PDE4D: variants seen among roughly 807,000 people sequenced by gnomAD.
The protein encoded by PDE4D is phosphodiesterase 4D, also known as 3',5'-cyclic-AMP phosphodiesterase 4D.
In PDE4D, 24 loss-of-function variants were observed where a neutral mutation model predicts 87.4. The ratio of observed to expected loss-of-function variants is 0.27; its 90% CI spans 0.20 to 0.39. The LOEUF (loss-of-function observed/expected upper bound fraction) is 0.39, where lower values mean the gene tolerates loss of function less well. PDE4D is among the 10% of genes least tolerant of loss of function. PDE4D has a pLI of 1.00. For missense variants in PDE4D, 714 were observed against 1,041.0 expected (o/e 0.69, Z 4.32); for synonymous variants, 384 against 383.2 (o/e 1.00, Z -0.02).
At chr5:60,196,307 C>T (rs1741211618) in intron 1 of PDE4D, among the ~76,000 whole-genome samples, 1 of 151,670 alleles carries the variant, frequency 6.6e-6, no homozygotes. Context: ...AAAATAATTT[C>T]AGCTCTCTAA....
chr5:59,472,560 T>C (rs995459060), intron 1 of PDE4D, among the ~76,000 whole-genome samples: 2 of 152,188 alleles, frequency 1.3e-5, no homozygotes, highest in African/African-American at 4.8e-5. Flanking sequence ...TATACGAATA[T>C]AACATTTCCA....
chr5:60,112,839 A>G (rs1777813938), intron 2 of PDE4D, among the ~76,000 whole-genome samples: 1 of 152,100 alleles, frequency 6.6e-6, no homozygotes, highest in Non-Finnish European at 1.5e-5. Flanking sequence ...TTAATCCAAG[A>G]AAAGAGAAGA....
chr5:59,546,311 C>A (rs570985766), intron 1 of PDE4D, among the ~76,000 whole-genome samples: 1 of 152,094 alleles, frequency 6.6e-6, no homozygotes, highest in Admixed American at 6.6e-5. Context: ...ACCCACAAAG[C>A]CAAAAGTGCG....
chr5:60,237,562 C>A (rs1746567651), intron 1 of PDE4D, among the ~76,000 whole-genome samples: 1 of 151,894 alleles, frequency 6.6e-6, no homozygotes, highest in Non-Finnish European at 1.5e-5. Context: ...CTCAAAAAGA[C>A]AATATTTTAT....
intron 1 of PDE4D, among the ~76,000 whole-genome samples, chr5:60,259,315 A>T (rs1025738765): frequency 1.3e-5 from 2 of 152,138 alleles, no homozygotes; most frequent in Admixed American, 1.3e-4. Context: ...GTGGCATTGT[A>T]CAAGGTGAAC....
In PDE4D at chr5:59,311,407, A is replaced by C. The variant is rs569471503; in HGVS notation, c.456-95439T>G. On this transcript the variant is annotated intron_variant, in intron 1 of 14. Coordinates refer to ENST00000340635, the MANE Select transcript of PDE4D (RefSeq NM_001104631.2). ...TCCCAGCTCCTCGGAAGGCTGAGGC[A>C]CAAGCATCACTTGAACCCAGGAAGT... Among the ~76,000 whole-genome samples, 9 of 149,368 alleles carry C rather than the reference A, an allele frequency of 6.0e-5. No individual in the cohort carries two copies. In the South Asian group the frequency reaches 1.8e-3, roughly 29 times the overall value.
intron 1 of PDE4D, among the ~76,000 whole-genome samples, chr5:59,606,354 T>TGGG: frequency 6.6e-6 from 1 of 151,752 alleles, no homozygotes; most frequent in South Asian, 2.1e-4. Context: ...AGGAGGAGAG[T>TGGG]GAAATAAAGT....
chr5:60,405,927 T>C (rs1335533277), intron 1 of PDE4D, among the ~76,000 whole-genome samples: 1 of 152,164 alleles, frequency 6.6e-6, no homozygotes, highest in Non-Finnish European at 1.5e-5. Flanking sequence ...ATCCTGCCCC[T>C]TCTTCCTGCC....
intron 12 of PDE4D, among the ~76,000 whole-genome samples, chr5:58,976,886 A>C (rs1376384531): frequency 6.6e-6 from 1 of 152,200 alleles, no homozygotes; most frequent in Non-Finnish European, 1.5e-5. Flanking sequence ...GAAAAAATCC[A>C]TTTGAGCTGT....
Position 59,233,843 on chromosome 5 carries a change from C to G in PDE4D, c.456-17875G>C, listed in dbSNP as rs890215372. 3.3e-5 allele frequency among the ~76,000 whole-genome samples: 5 copies of G among 152,266 alleles called. No individual in the cohort carries two copies. In the East Asian group the frequency reaches 7.7e-4, roughly 24 times the overall value. ...CACAAATGCTCATCAACTACCTACT[C>G]TAGCCACTCTGGGAGGAATAATGAA... On this transcript the variant is annotated intron_variant, in intron 1 of 14. Transcript: ENST00000340635.
chr5:59,985,145 G>GTTTTTTTTT (rs572481656), intron 3 of PDE4D, among the ~76,000 whole-genome samples: 1 of 110,556 alleles, frequency 9.0e-6, no homozygotes, highest in African/African-American at 2.9e-5. Context: ...TTTGTTTTTT[G>GTTTTTTTTT]TTTTTTATTT....
At chr5:59,745,844 A>G (rs968654117) in intron 1 of PDE4D, among the ~76,000 whole-genome samples, 2 of 152,224 alleles carry the variant, frequency 1.3e-5, no homozygotes, top group Admixed American at 6.5e-5. Flanking sequence ...ACTGCCAGCC[A>G]GTACAACTAA....
intron 1 of PDE4D, among the ~76,000 whole-genome samples, chr5:60,404,428 C>T (rs1561214277): frequency 6.6e-6 from 1 of 152,172 alleles, no homozygotes; most frequent in Non-Finnish European, 1.5e-5. Context: ...CAAAAACTCT[C>T]TGATGTCAGG....
intron 1 of PDE4D, among the ~76,000 whole-genome samples, chr5:59,874,110 G>A (rs576880285): frequency 2.6e-5 from 4 of 152,098 alleles, no homozygotes; most frequent in Admixed American, 6.6e-5. Flanking sequence ...GGCTGAGGCA[G>A]TAGGATCCTT....
rs76935923 is a variant in PDE4D at position 60,091,226 on chromosome 5, G to C, written c.42+94331C>G. Among the ~76,000 whole-genome samples, 1,070 of 152,278 alleles carry C rather than the reference G, an allele frequency of 7.0e-3. 22 individuals carry two copies. Among genetic ancestry groups the C allele is most frequent in the East Asian group, 0.045 (235 of 5,178 alleles). Reference sequence around the variant, plus strand: ...AGAGTGAAGAGACAACCTGTTAAATGAGAGAAAATATTCGCAAACTATTCA... The same window carrying C: ...AGAGTGAAGAGACAACCTGTTAAATCAGAGAAAATATTCGCAAACTATTCA... On this transcript the variant is annotated intron_variant, in intron 2 of 16. Coordinates refer to the PDE4D transcript ENST00000502484.
intron 1 of PDE4D, among the ~76,000 whole-genome samples, chr5:59,546,090 A>C (rs1431712019): frequency 3.3e-5 from 5 of 152,192 alleles, no homozygotes; most frequent in Non-Finnish European, 7.3e-5. Context: ...TTCACAGCTT[A>C]AAATGTAACC....
chr5:60,195,160 G>T (rs750635774), intron 1 of PDE4D, among the ~76,000 whole-genome samples: 10 of 151,494 alleles, frequency 6.6e-5, no homozygotes, highest in Non-Finnish European at 1.3e-4. Context: ...TCTCCTCCTG[G>T]AAGAGTTTCC....
intron 1 of PDE4D, among the ~76,000 whole-genome samples, chr5:60,213,793 C>T (rs1366649705): frequency 6.6e-6 from 1 of 152,144 alleles, no homozygotes; most frequent in South Asian, 2.1e-4. Context: ...CTAGACCTCC[C>T]TCTGGCCCTC....
At chr5:59,681,441 A>G (rs1331942501) in intron 1 of PDE4D, among the ~76,000 whole-genome samples, 1 of 152,174 alleles carries the variant, frequency 6.6e-6, no homozygotes, top group African/African-American at 2.4e-5. Flanking sequence ...CCCTTAGCAA[A>G]CCACTATGGT....
Sources: allele counts gnomAD v4.1 joint callset (sites outside exome capture counted in the v4.1 genomes callset), GRCh38; gene constraint gnomAD v4.1.1; transcripts MANE v1.5; gene names NCBI Gene and HGNC (gene_info 2026-07-23, HGNC 2026-07-21).